The following ZNF683 variants were observed in gnomAD, a reference collection of about 807,000 sequenced individuals.
ZNF683 encodes the protein tissue-resident T-cell transcription regulator protein ZNF683.
In ZNF683, 20 loss-of-function variants were observed where a neutral mutation model predicts 31.4. The ratio of observed to expected loss-of-function variants is 0.64; its 90% CI spans 0.45 to 0.93. The LOEUF is 0.93. ZNF683 is among the 40% of genes least tolerant of loss of function. The pLI, the probability that ZNF683 is intolerant of heterozygous loss-of-function variation, is 0.00. For missense variants in ZNF683, 621 were observed against 637.2 expected, an observed-to-expected ratio of 0.97 and a Z score of 0.27; for synonymous variants, 264 against 267.6, an observed-to-expected ratio of 0.99 and a Z score of 0.13.
At chr1:26,366,884 C>G (rs925229267) in intron 3 of ZNF683, among the ~76,000 whole-genome samples, 8 of 152,198 alleles carry the variant, frequency 5.3e-5, no homozygotes, top group African/African-American at 1.9e-4. Context: ...TCTCGATCTC[C>G]TGACCTCGTG....
intron 4 of ZNF683, among the ~76,000 whole-genome samples, chr1:26,363,940 T>C (rs1035082376): frequency 2.0e-5 from 3 of 152,210 alleles, no homozygotes; most frequent in Non-Finnish European, 4.4e-5. Context: ...ACTTCAGAAC[T>C]AGCCAGAGAG....
chr1:26,362,996 G>A (rs928115987), intron 5 of ZNF683, 30 bp downstream of exon 5: 2 of 1,591,930 alleles, frequency 1.3e-6, no homozygotes, highest in Non-Finnish European at 1.7e-6. Context: ...CAGCCTATAG[G>A]AGTACATAGT....
chr1:26,368,559 A>T lies in ZNF683; in HGVS notation c.13T>A (p.Ser5Thr). The T allele has an allele frequency of 6.2e-7, 1 of 1,604,920 alleles. No individual in the cohort carries two copies. The highest frequency in any genetic ancestry group is 8.5e-7 in the Non-Finnish European group (1 of 1,175,680). Residue 5 changes from serine (S) to threonine (T), a missense_variant, in exon 2 of 6, where the codon TCA becomes ACA. Ser to Thr is a moderately conservative substitution (Grantham distance 58). Transcript: ENST00000349618. ...TGACAACAACCTAATTGTGCAGCTG[A>T]TTCTTCCTTCATATCCCCATTACCT... MKEE[S>T]AAQLGCCHRP... is the part of the protein sequence containing the mutation.
At chr1:26,370,551 G>GT in intron 1 of ZNF683, 1 of 695,572 alleles carries the variant, frequency 1.4e-6, no homozygotes. Context: ...CCTCACTCCA[G>GT]TGTCTCAGCC....
At chr1:26,370,279 T>C (rs1196739131) in intron 1 of ZNF683, among the ~76,000 whole-genome samples, 1 of 152,104 alleles carries the variant, frequency 6.6e-6, no homozygotes, top group Non-Finnish European at 1.5e-5. Flanking sequence ...CAGTGTCGTG[T>C]CACCCAGGCT....
At position 26,365,245 on chromosome 1, in the gene ZNF683, G is replaced by T; in HGVS notation, c.320-19C>A. 3 of 1,566,674 alleles carry T rather than the reference G, an allele frequency of 1.9e-6. No individual in the cohort carries two copies. Among genetic ancestry groups the T allele is most frequent in the Non-Finnish European group, 1.7e-6 (2 of 1,157,750 alleles). On this transcript the variant is annotated intron_variant, in intron 3 of 5. Coordinates refer to ENST00000349618, the MANE Select transcript of ZNF683 (RefSeq NM_001114759.3). Reference sequence around the variant, plus strand: ...TCGTGCTCTAAGCAGGAAAAGGAAGGCGGTCAGATCCCCACAGTCTGGGGT... The same window carrying T: ...TCGTGCTCTAAGCAGGAAAAGGAAGTCGGTCAGATCCCCACAGTCTGGGGT...
upstream of ZNF683, chr1:26,373,225 C>CA (rs2074705726): frequency 6.6e-6 from 1 of 152,262 alleles, no homozygotes; most frequent in Non-Finnish European, 1.5e-5. Context: ...CCCATCTCTA[C>CA]AAAAATACAA....
upstream of ZNF683, among the ~76,000 whole-genome samples, chr1:26,374,113 C>T (rs139602083): frequency 1.8e-3 from 276 of 152,044 alleles, 1 homozygote; most frequent in African/African-American, 6.2e-3. Flanking sequence ...TATCCTTCAG[C>T]GTAATGGAGG....
At chr1:26,374,492 A>G, upstream of ZNF683, 1 of 1,146,226 alleles carries the variant, frequency 8.7e-7, no homozygotes, top group Non-Finnish European at 1.1e-6. Context: ...CCACGTGGAG[A>G]AGCCTCTGCC....
At position 26,365,245 on chromosome 1, in the gene ZNF683, G is replaced by A; in HGVS notation, c.320-19C>T. On this transcript the variant is annotated intron_variant, in intron 3 of 5. Coordinates refer to ENST00000349618, the MANE Select transcript of ZNF683 (RefSeq NM_001114759.3). Reference sequence around the variant, plus strand: ...TCGTGCTCTAAGCAGGAAAAGGAAGGCGGTCAGATCCCCACAGTCTGGGGT... The same window carrying A: ...TCGTGCTCTAAGCAGGAAAAGGAAGACGGTCAGATCCCCACAGTCTGGGGT... 6.4e-7 allele frequency: 1 copy of A among 1,566,674 alleles called. No individual in the cohort carries two copies. The highest frequency in any genetic ancestry group is 1.2e-5 in the South Asian group (1 of 85,546).
chr1:26,361,958 G>T lies in ZNF683; in HGVS notation c.1208C>A (p.Ala403Asp). The T allele has an allele frequency of 1.9e-6, 3 of 1,613,992 alleles. No individual in the cohort carries two copies. The highest frequency in any genetic ancestry group is 2.5e-6 in the Non-Finnish European group (3 of 1,179,886). ...LKTHLRLHSG[A>D]RPFQCSVCRS... ...GCAGACACTGCACTGGAAGGGCCGG[G>T]CCCCGGAGTGCAGGCGCAGGTGGGT... The change falls in exon 6 of 6, where the codon GCC (alanine) becomes GAC (aspartate). Residue 403 changes from alanine (A) to aspartate (D), a missense_variant. Transcript: ENST00000349618.
intron 1 of ZNF683, 49 bp downstream of exon 1, chr1:26,372,620 T>C (rs1390003405): frequency 3.1e-6 from 4 of 1,304,234 alleles, no homozygotes; most frequent in East Asian, 1.1e-4. Flanking sequence ...ACTTCTCTGT[T>C]AGAAAAAAAT....
At position 26,363,006 on chromosome 1, in the gene ZNF683, T is replaced by G. The variant is rs779029086; in HGVS notation, c.1143+20A>C. 2 of 1,600,396 alleles carry G rather than the reference T, an allele frequency of 1.2e-6. No individual in the cohort carries two copies. The highest frequency in any genetic ancestry group is 1.7e-6 in the Non-Finnish European group (2 of 1,172,286). ...CTCTCCAGCCTATAGGAGTACATAG[T>G]AGGGGGAGAAGGATCTCACCGAGCA... On this transcript the variant is annotated intron_variant, in intron 5 of 5. Transcript: ENST00000349618.
upstream of ZNF683, chr1:26,372,778 G>C: frequency 1.7e-6 from 2 of 1,197,506 alleles, no homozygotes. Flanking sequence ...ACCTCCCCAG[G>C]GCATGTGGGA....
In ZNF683 at chr1:26,365,164, G is replaced by C. The variant is rs1384826205; in HGVS notation, c.382C>G (p.Pro128Ala). The C allele has an allele frequency of 1.9e-6, 3 of 1,610,496 alleles. No homozygotes were observed. Among genetic ancestry groups the C allele is most frequent in the Non-Finnish European group, 2.5e-6 (3 of 1,178,570 alleles). ...TDDKKFTVKY[P>A]QNKDKLGKQP... ...TTTCCCAGCTTGTCCTTGTTCTGTG[G>C]GTACTTGACTGTGAATTTCTTGTCA... Residue 128 changes from proline (P) to alanine (A), a missense_variant, in exon 4 of 6, where the codon CCA (proline) becomes GCA (alanine). Coordinates refer to ENST00000349618, the MANE Select transcript of ZNF683 (RefSeq NM_001114759.3).
rs1557741235 is a variant in ZNF683, at chr1:26,368,503, G to A, written c.69C>T (p.Gly23=). The change falls in exon 2 of 6, where the codon GGC becomes GGT. Residue 23 remains glycine (G), a synonymous_variant. Coordinates refer to ENST00000349618, the MANE Select transcript of ZNF683 (RefSeq NM_001114759.3). ...HRPMALGGTG[G]SLSPSLDFQL... is the part of the protein sequence containing the mutation. ...GGAAGTCCAGGCTGGGGGACAGGGA[G>A]CCCCCTGTACCTCCCAGGGCCATGG... The A allele has an allele frequency of 6.2e-7, 1 of 1,602,862 alleles. No individual in the cohort carries two copies. Among genetic ancestry groups the A allele is most frequent in the Admixed American group, 1.7e-5 (1 of 58,326 alleles).
chr1:26,370,523 C>T, intron 1 of ZNF683: 2 of 443,848 alleles, frequency 4.5e-6, no homozygotes, highest in Non-Finnish European at 6.0e-6. Context: ...ATCCCAAATG[C>T]CCCTCAGACC....
At chr1:26,372,345 G>A in intron 1 of ZNF683, 2 of 548,062 alleles carry the variant, frequency 3.6e-6, no homozygotes, top group Admixed American at 3.4e-5. Context: ...ACATCTGTCA[G>A]GTTTTTTTGG....
At chr1:26,369,034 C>G (rs1011114623) in intron 1 of ZNF683, among the ~76,000 whole-genome samples, 3 of 151,732 alleles carry the variant, frequency 2.0e-5, no homozygotes, top group Non-Finnish European at 4.4e-5. Context: ...GACCTGATGT[C>G]AGGAGTTCAA....
Sources: allele counts gnomAD v4.1 joint callset (sites outside exome capture counted in the v4.1 genomes callset), GRCh38; gene constraint gnomAD v4.1.1; transcripts MANE v1.5; gene names NCBI Gene and HGNC (gene_info 2026-07-23, HGNC 2026-07-21).